Variants in TRIO observed in about 807,000 individuals in gnomAD.
TRIO encodes the protein trio Rho guanine nucleotide exchange factor.
In TRIO, 58 loss-of-function variants were observed where a neutral mutation model predicts 351.9. The observed-to-expected ratio is 0.16, with a 90% confidence interval of 0.13 to 0.21. The LOEUF (loss-of-function observed/expected upper bound fraction) is 0.21, where lower values mean the gene tolerates loss of function less well. TRIO is among the 10% of genes least tolerant of loss of function. TRIO has a pLI of 1.00. For synonymous variants in TRIO, 1,758 were observed against 1,595.7 expected (o/e 1.10, Z -2.42); for missense variants, 3,201 against 4,027.8 (o/e 0.79, Z 5.56).
At position 14,473,495 on chromosome 5, in the gene TRIO, A is replaced by C. The variant is rs564140160; in HGVS notation, c.5980-499A>C. 1.4e-4 allele frequency among the ~76,000 whole-genome samples: 22 copies of C among 152,346 alleles called. No individual in the cohort carries two copies. The East Asian group carries it at 4.2e-3, about 29-fold the overall frequency. On this transcript the variant is annotated intron_variant, in intron 39 of 56. Coordinates refer to ENST00000344204, the MANE Select transcript of TRIO (RefSeq NM_007118.4). ...ACTTAAGAGGTTCTTGTACAGACTT[A>C]AATAGAAATTTTAAGCCACATTTTA...
At position 14,489,030 on chromosome 5, in the gene TRIO, G is replaced by A. The variant is rs367801308; in HGVS notation, c.7632+770G>A. On this transcript the variant is annotated intron_variant, in intron 48 of 56. Transcript: ENST00000344204. ...TGTCCTACCCACCTGTTTCCTACAG[G>A]GCAGATGGCCTGGCCCGTAACACTT... 58 of 765,282 alleles carry A rather than the reference G, an allele frequency of 7.6e-5. No homozygotes were observed. The African/African-American group carries it at 8.8e-4, about 12-fold the overall frequency. The allele number at this position is 765,282 out of a possible 1,614,324, so 47.4% of individuals were successfully genotyped here.
At chr5:14,388,891 G>A (rs1282616249) in intron 24 of TRIO, among the ~76,000 whole-genome samples, 1 of 152,122 alleles carries the variant, frequency 6.6e-6, no homozygotes, top group African/African-American at 2.4e-5. Context: ...AGATGATACA[G>A]CATTAATCCT....
chr5:14,389,558 A>G (rs1013337937), intron 25 of TRIO, among the ~76,000 whole-genome samples, 160 bp downstream of exon 25: 1 of 152,252 alleles, frequency 6.6e-6, no homozygotes, highest in Non-Finnish European at 1.5e-5. Flanking sequence ...CTGACATTCT[A>G]GAAATTCTTT....
At position 14,207,262 on chromosome 5, in the gene TRIO, TAC is replaced by T. The variant is rs56915481; in HGVS notation, c.157+63408_157+63409del. 7.0e-3 allele frequency among the ~76,000 whole-genome samples: 323 copies of T among 46,018 alleles called. 10 individuals are homozygous for T. Among genetic ancestry groups the T allele is most frequent in the Non-Finnish European group, 9.6e-3 (232 of 24,266 alleles). The allele number at this position is 46,018 out of a possible 152,430, so 30.2% of individuals were successfully genotyped here. A position where few individuals can be genotyped will look rare whatever the true frequency, so the allele number is the denominator to read the frequency against. On this transcript the variant is annotated intron_variant, in intron 1 of 56. Transcript: ENST00000344204. ...CTGGGCAACATAGCAAGATGGTCTC[TAC>T]ACACACACACACACACACACACACA...
At chr5:14,375,721 A>G (rs191360775) in intron 19 of TRIO, among the ~76,000 whole-genome samples, 152 of 152,350 alleles carry the variant, frequency 1.0e-3, no homozygotes, top group African/African-American at 3.5e-3. Context: ...GAGGGCGCTT[A>G]GCACTGTTTG....
chr5:14,246,485 C>CACA (rs1794443209), intron 1 of TRIO, among the ~76,000 whole-genome samples: 1 of 152,214 alleles, frequency 6.6e-6, no homozygotes, highest in Non-Finnish European at 1.5e-5. Context: ...CTCAGGCAGA[C>CACA]CCTGTGGCTG....
chr5:14,146,639 AG>A lies in TRIO; in HGVS notation c.157+2759del, dbSNP rs1248063309. On this transcript the variant is annotated intron_variant, in intron 1 of 56. Coordinates refer to ENST00000344204, the MANE Select transcript of TRIO (RefSeq NM_007118.4). ...TCCATTACTGGAAGTGCTCACATAA[AG>A]GTGCTGTCACCTGGCAGGGTTTGGA... 2.0e-5 allele frequency among the ~76,000 whole-genome samples: 3 copies of A among 152,238 alleles called. No individual in the cohort carries two copies. In the East Asian group the frequency reaches 5.8e-4, roughly 29 times the overall value.
chr5:14,192,020 A>G (rs765377670), intron 1 of TRIO, among the ~76,000 whole-genome samples: 1 of 152,246 alleles, frequency 6.6e-6, no homozygotes, highest in Non-Finnish European at 1.5e-5. Context: ...AGAAAGAATC[A>G]TGTATCTAAT....
chr5:14,398,612 A>G (rs1378019958), intron 29 of TRIO, among the ~76,000 whole-genome samples: 1 of 152,190 alleles, frequency 6.6e-6, no homozygotes, highest in Non-Finnish European at 1.5e-5. Context: ...GCAGAGGCCC[A>G]CCAGAGGGAT....
intron 1 of TRIO, among the ~76,000 whole-genome samples, chr5:14,253,500 C>T (rs530670105): frequency 3.3e-5 from 5 of 151,810 alleles, no homozygotes; most frequent in Admixed American, 1.3e-4. Flanking sequence ...CCACAGGTCC[C>T]GGCTGATTTC....
intron 11 of TRIO, among the ~76,000 whole-genome samples, chr5:14,337,690 A>G (rs538523996): frequency 6.6e-6 from 1 of 152,354 alleles, no homozygotes; most frequent in South Asian, 2.1e-4. Flanking sequence ...ATTCCTTTAA[A>G]GGAAAAGAAC....
At chr5:14,223,644 C>T (rs761151669) in intron 1 of TRIO, among the ~76,000 whole-genome samples, 5 of 152,134 alleles carry the variant, frequency 3.3e-5, no homozygotes, top group Non-Finnish European at 7.4e-5. Flanking sequence ...GTGAGATTTG[C>T]GAGAACAAGA....
rs1205858580 is a variant in TRIO at position 14,151,397 on chromosome 5, TG to T, written c.157+7516del. Among the ~76,000 whole-genome samples, 5 of 152,030 alleles carry T rather than the reference TG, an allele frequency of 3.3e-5. No individual in the cohort carries two copies. The East Asian group carries it at 7.7e-4, about 23-fold the overall frequency. ...GTGTGTGTGTGTGTTTGTGTGTGTG[TG>T]TGTGTGTGTGTATGTATGTATGTAG... On this transcript the variant is annotated intron_variant, in intron 1 of 56. Coordinates refer to ENST00000344204, the MANE Select transcript of TRIO (RefSeq NM_007118.4).
At chr5:14,294,026 T>A (rs2015274) in intron 6 of TRIO, among the ~76,000 whole-genome samples, 3,941 of 147,052 alleles carry the variant, frequency 0.027, 181 homozygotes, top group African/African-American at 0.095. Flanking sequence ...AAAAAAATAA[T>A]AATTAAAAAA....
At chr5:14,177,195 A>T (rs532624525) in intron 1 of TRIO, among the ~76,000 whole-genome samples, 1 of 152,258 alleles carries the variant, frequency 6.6e-6, no homozygotes, top group Non-Finnish European at 1.5e-5. Context: ...TTGAAAACAG[A>T]TTATTATTTA....
intron 33 of TRIO, among the ~76,000 whole-genome samples, chr5:14,415,621 T>C (rs936348174): frequency 2.6e-5 from 4 of 152,214 alleles, no homozygotes; most frequent in Admixed American, 6.5e-5. Flanking sequence ...TATGTGGTAA[T>C]TGTTGAAGGT....
intron 1 of TRIO, among the ~76,000 whole-genome samples, chr5:14,153,118 C>T (rs998779229): frequency 3.3e-5 from 5 of 152,220 alleles, no homozygotes; most frequent in Non-Finnish European, 7.3e-5. Flanking sequence ...CTTCGAAAGG[C>T]ATGCAAGATT....
intron 1 of TRIO, among the ~76,000 whole-genome samples, chr5:14,231,380 T>C (rs1040807757): frequency 3.3e-5 from 5 of 152,254 alleles, no homozygotes; most frequent in Non-Finnish European, 7.3e-5. Flanking sequence ...CACTCACTTT[T>C]ATGGATTTCA....
At chr5:14,187,387 A>G (rs1790187475) in intron 1 of TRIO, among the ~76,000 whole-genome samples, 1 of 152,134 alleles carries the variant, frequency 6.6e-6, no homozygotes, top group Non-Finnish European at 1.5e-5. Context: ...TAAGGTACAG[A>G]GAGAATTGCC....
Sources: allele counts gnomAD v4.1 joint callset (sites outside exome capture counted in the v4.1 genomes callset), GRCh38; gene constraint gnomAD v4.1.1; transcripts MANE v1.5; gene names NCBI Gene and HGNC (gene_info 2026-07-23, HGNC 2026-07-21).